The following HMOX2 variants were observed in gnomAD, a reference collection of about 807,000 sequenced individuals.
The protein encoded by HMOX2 is heme oxygenase (decycling) 2.
In HMOX2, 30 loss-of-function variants were observed where a neutral mutation model predicts 33.7. The ratio of observed to expected loss-of-function variants is 0.89; its 90% CI spans 0.67 to 1.21. The LOEUF (loss-of-function observed/expected upper bound fraction) is 1.21. Among genes scored for constraint, HMOX2 ranks in the 50% most tolerant of loss-of-function variants. The probability of loss-of-function intolerance (pLI) is 0.00; values close to 1 mark genes in which losing one functional copy is unlikely to be tolerated. For missense variants in HMOX2, 403 were observed against 399.1 expected (o/e 1.01, Z -0.08); for synonymous variants, 155 against 155.0 (o/e 1.00, Z 0.00).
At chr16:4,486,240 T>C (rs1391329323) in intron 1 of HMOX2, among the ~76,000 whole-genome samples, 1 of 152,232 alleles carries the variant, frequency 6.6e-6, no homozygotes, top group African/African-American at 2.4e-5. Context: ...ACAGAAACCC[T>C]AGGACATTCC....
At chr16:4,502,580 C>T (rs1484727894) in intron 1 of HMOX2, among the ~76,000 whole-genome samples, 3 of 152,084 alleles carry the variant, frequency 2.0e-5, no homozygotes, top group African/African-American at 4.8e-5. Context: ...TTACTGCACC[C>T]CTCCCTCCTC....
intron 1 of HMOX2, among the ~76,000 whole-genome samples, chr16:4,503,723 C>T (rs931619493): frequency 1.3e-5 from 2 of 152,114 alleles, no homozygotes; most frequent in African/African-American, 4.8e-5. Context: ...GTGAGCAAAC[C>T]ATGTACTATA....
chr16:4,484,120 T>G (rs2058102917), intron 1 of HMOX2, among the ~76,000 whole-genome samples: 2 of 150,638 alleles, frequency 1.3e-5, no homozygotes, highest in South Asian at 4.2e-4. Flanking sequence ...GACTACAGGC[T>G]CCCGCCACCA....
chr16:4,501,460 G>A (rs2058556410), intron 1 of HMOX2, among the ~76,000 whole-genome samples: 1 of 152,008 alleles, frequency 6.6e-6, no homozygotes, highest in Non-Finnish European at 1.5e-5. Context: ...GCTGTGTGTT[G>A]TTTTTTTCCT....
chr16:4,509,663 A>G lies in HMOX2; in HGVS notation c.858A>G (p.Thr286=). 1.9e-6 allele frequency: 3 copies of G among 1,614,040 alleles called. No homozygotes were observed. The highest frequency in any genetic ancestry group is 2.5e-6 in the Non-Finnish European group (3 of 1,179,938). Residue 286 remains threonine, a synonymous_variant, in exon 6 of 6, where the codon ACA becomes ACG. Transcript: ENST00000570646. ...ALEGSSCPFR[T]AMAVLRKPSL... ...AGGGCAGCAGCTGTCCCTTCCGAAC[A>G]GCTATGGCTGTGCTGAGGAAGCCCA...
At chr16:4,494,315 CAAA>C (rs766292138) in intron 1 of HMOX2, among the ~76,000 whole-genome samples, 7 of 79,472 alleles carry the variant, frequency 8.8e-5, no homozygotes, top group Admixed American at 1.4e-4. Flanking sequence ...GACTCTGCCA[CAAA>C]AAAAAAAAAA....
chr16:4,496,933 G>A (rs1300462849), intron 1 of HMOX2, among the ~76,000 whole-genome samples: 1 of 151,724 alleles, frequency 6.6e-6, no homozygotes, highest in Non-Finnish European at 1.5e-5. Context: ...CTGGACTCAA[G>A]TGATCCTTCA....
At chr16:4,492,607 T>G (rs2058330994) in intron 1 of HMOX2, among the ~76,000 whole-genome samples, 1 of 152,080 alleles carries the variant, frequency 6.6e-6, no homozygotes, top group South Asian at 2.1e-4. Context: ...TAATCCCTAC[T>G]ACTCGGGAGT....
chr16:4,480,636 G>C (rs975974227), intron 1 of HMOX2, among the ~76,000 whole-genome samples: 8 of 149,098 alleles, frequency 5.4e-5, no homozygotes, highest in Non-Finnish European at 8.9e-5. Flanking sequence ...GACCGTGCCC[G>C]GCTAAGGGCC....
intron 1 of HMOX2, chr16:4,496,673 CTGAG>C (rs908681260): frequency 1.3e-4 from 20 of 152,140 alleles, no homozygotes; most frequent in Admixed American, 3.9e-4. Context: ...CATTAGCTCT[CTGAG>C]TGATCTTGCC....
intron 1 of HMOX2, among the ~76,000 whole-genome samples, chr16:4,478,473 C>A (rs150934181): frequency 1.3e-5 from 2 of 151,950 alleles, no homozygotes; most frequent in Non-Finnish European, 1.5e-5. Context: ...ATTGTGGGCC[C>A]GGTGCAGTGG....
chr16:4,505,643 G>A, intron 2 of HMOX2, 33 bp downstream of exon 2: 1 of 1,456,180 alleles, frequency 6.9e-7, no homozygotes, highest in Non-Finnish European at 9.5e-7. Flanking sequence ...ACTGAATCAG[G>A]TGGGCCCAGC....
At chr16:4,503,064 C>G (rs541376881) in intron 1 of HMOX2, 1 of 152,188 alleles carries the variant, frequency 6.6e-6, no homozygotes, top group South Asian at 2.1e-4. Context: ...ATCTGCCCAC[C>G]TCGGCCTCCC....
chr16:4,506,083 T>A (rs1369216990), intron 2 of HMOX2, among the ~76,000 whole-genome samples: 1 of 152,208 alleles, frequency 6.6e-6, no homozygotes, highest in Non-Finnish European at 1.5e-5. Flanking sequence ...GTTTTTTTTT[T>A]ATCCCTTGAA....
At chr16:4,508,275 G>A in intron 4 of HMOX2, 71 bp downstream of exon 4, 5 of 1,484,964 alleles carry the variant, frequency 3.4e-6, no homozygotes, top group Non-Finnish European at 4.6e-6. Context: ...ATCCATAGTG[G>A]CCCATGAAGG....
intron 1 of HMOX2, among the ~76,000 whole-genome samples, chr16:4,483,212 T>C (rs1174074561): frequency 1.7e-5 from 2 of 116,810 alleles, no homozygotes; most frequent in Non-Finnish European, 3.6e-5. Flanking sequence ...TGTGTGTGTG[T>C]GTGTGTGTGT....
chr16:4,507,607 T>C, intron 3 of HMOX2, 106 bp from the exon 4 acceptor site: 2 of 1,167,908 alleles, frequency 1.7e-6, no homozygotes, highest in Non-Finnish European at 2.4e-6. Flanking sequence ...AAATGGACCA[T>C]AGGATTGGGT....
chr16:4,478,663 G>A (rs1371142291), intron 1 of HMOX2, among the ~76,000 whole-genome samples: 3 of 151,922 alleles, frequency 2.0e-5, no homozygotes, highest in Non-Finnish European at 4.4e-5. Flanking sequence ...TACTTGGGAG[G>A]CCGAGGCAGG....
At chr16:4,475,830 T>C (rs564460582), upstream of HMOX2, 1 of 152,040 alleles carries the variant, frequency 6.6e-6, no homozygotes, top group African/African-American at 2.4e-5. Flanking sequence ...TCCCAGCTAT[T>C]CGGGAGGTTA....
Sources: allele counts gnomAD v4.1 joint callset (sites outside exome capture counted in the v4.1 genomes callset), GRCh38; gene constraint gnomAD v4.1.1; transcripts MANE v1.5; gene names NCBI Gene and HGNC (gene_info 2026-07-23, HGNC 2026-07-21).